Variants in PCDHGA2 observed in about 807,000 individuals in gnomAD.
PCDHGA2 encodes protocadherin gamma subfamily A, 2.
In PCDHGA2, 40 loss-of-function variants were observed where a neutral mutation model predicts 59.2. The observed-to-expected ratio is 0.68, with a 90% CI of 0.52 to 0.88. The LOEUF (loss-of-function observed/expected upper bound fraction) is 0.88, where lower values mean the gene tolerates loss of function less well. Among genes scored for constraint, PCDHGA2 ranks in the 40% least tolerant of loss-of-function variants. The pLI is 0.00. For synonymous variants in PCDHGA2, 560 were observed against 526.0 expected, an observed-to-expected ratio of 1.06 and a Z score of -0.89; for missense variants, 1,226 against 1,204.0, an observed-to-expected ratio of 1.02 and a Z score of -0.27.
In PCDHGA2 at chr5:141,388,566, A is replaced by T. The variant is rs145399301; in HGVS notation, c.2424+47171A>T. ...TCCACCCCTAAGCAGCACTGCACAGATACACGTTCTAGTGACTGATGCCAA... is the reference window on the plus strand; with the variant it reads ...TCCACCCCTAAGCAGCACTGCACAGTTACACGTTCTAGTGACTGATGCCAA... On this transcript the variant is annotated intron_variant, in intron 1 of 3. Transcript: ENST00000394576. 134 of 1,613,852 alleles carry T rather than the reference A, an allele frequency of 8.3e-5. No homozygotes were observed. The East Asian group carries it at 2.4e-3, about 29-fold the overall frequency.
At chr5:141,460,981 GTGTA>G (rs1315974712) in intron 1 of PCDHGA2, among the ~76,000 whole-genome samples, 3 of 121,894 alleles carry the variant, frequency 2.5e-5, no homozygotes, top group Non-Finnish European at 5.1e-5. Context: ...GTGTGTGTGT[GTGTA>G]TATATATATA....
intron 1 of PCDHGA2, chr5:141,421,164 A>G (rs1304650780): frequency 1.6e-6 from 2 of 1,286,298 alleles, no homozygotes; most frequent in African/African-American, 1.5e-5. Flanking sequence ...GACTTCATAG[A>G]TACATAAGCC....
chr5:141,422,421 T>C, intron 1 of PCDHGA2: 1 of 1,607,810 alleles, frequency 6.2e-7, no homozygotes, highest in Non-Finnish European at 8.5e-7. Context: ...TAGAAAAGAC[T>C]TATGGAAATT....
In PCDHGA2 at chr5:141,432,645, C is replaced by T. The variant is rs758701539; in HGVS notation, c.2425-62162C>T. On this transcript the variant is annotated intron_variant, in intron 1 of 3. Coordinates refer to ENST00000394576, the MANE Select transcript of PCDHGA2 (RefSeq NM_018915.4). The surrounding 1 kb of genome is among the most constrained non-coding windows in gnomAD (Gnocchi z 6.0). Reference sequence around the variant, plus strand: ...CTGCACACGGGCGAGGTGCGCACGGCGCGAGCCCTGCTGGACAGAGACGCG... The same window carrying T: ...CTGCACACGGGCGAGGTGCGCACGGTGCGAGCCCTGCTGGACAGAGACGCG... 1 of 1,613,746 alleles carries T rather than the reference C, an allele frequency of 6.2e-7. No homozygotes were observed. Among genetic ancestry groups the T allele is most frequent in the Admixed American group, 1.7e-5 (1 of 60,006 alleles).
intron 1 of PCDHGA2, chr5:141,430,941 A>G: frequency 6.2e-7 from 1 of 1,608,258 alleles, no homozygotes; most frequent in Non-Finnish European, 8.5e-7. Context: ...GAGCTCGCGG[A>G]GCGCGGAGTC....
At chr5:141,405,488 C>A in intron 1 of PCDHGA2, 1 of 895,936 alleles carries the variant, frequency 1.1e-6, no homozygotes, top group Non-Finnish European at 1.7e-6. Context: ...GGTGTGATCT[C>A]GGCTCATTGC....
At chr5:141,350,875 T>G (rs771000230) in intron 1 of PCDHGA2, 17 of 1,613,960 alleles carry the variant, frequency 1.1e-5, no homozygotes, top group Non-Finnish European at 1.4e-5. Flanking sequence ...AGAGCTCTCA[T>G]CGCTTAATCC....
At position 141,432,455 on chromosome 5, in the gene PCDHGA2, G is replaced by A; in HGVS notation, c.2425-62352G>A. The A allele has an allele frequency of 6.2e-7, 1 of 1,614,176 alleles. No individual in the cohort carries two copies. The highest frequency in any genetic ancestry group is 8.5e-7 in the Non-Finnish European group (1 of 1,180,042). On this transcript the variant is annotated intron_variant, in intron 1 of 3. Transcript: ENST00000394576. The surrounding 1 kb of genome is among the most constrained non-coding windows in gnomAD (Gnocchi z 6.0). ...CAATGCGCCCGAGATCCTGTACCCCGCCCTCCCCACGGACGGTTCCACTGG... is the reference window on the plus strand; with the variant it reads ...CAATGCGCCCGAGATCCTGTACCCCACCCTCCCCACGGACGGTTCCACTGG...
Position 141,357,965 on chromosome 5 carries a change from G to A in PCDHGA2, c.2424+16570G>A, listed in dbSNP as rs1265962605. Among the ~76,000 whole-genome samples, 3 of 152,122 alleles carry A rather than the reference G, an allele frequency of 2.0e-5. No homozygotes were observed. In the East Asian group the frequency reaches 5.8e-4, roughly 29 times the overall value. On this transcript the variant is annotated intron_variant, in intron 1 of 3. Coordinates refer to ENST00000394576, the MANE Select transcript of PCDHGA2 (RefSeq NM_018915.4). ...AACACTTTGGGAGTGTGAGGAGGAC[G>A]GATTGCCTGAGCTCAGGAGTTCGAG...
At chr5:141,458,219 C>T (rs2098940224) in intron 1 of PCDHGA2, among the ~76,000 whole-genome samples, 1 of 152,248 alleles carries the variant, frequency 6.6e-6, no homozygotes, top group African/African-American at 2.4e-5. Flanking sequence ...AATAAGTTTC[C>T]TTTCCCAGTC....
chr5:141,389,081 G>C (rs371979686), intron 1 of PCDHGA2: 2 of 1,613,978 alleles, frequency 1.2e-6, no homozygotes, highest in Admixed American at 1.7e-5. Flanking sequence ...CAAGAAACAC[G>C]TATAAATTAG....
intron 1 of PCDHGA2, among the ~76,000 whole-genome samples, chr5:141,449,041 C>T (rs998143732): frequency 3.3e-5 from 5 of 152,126 alleles, no homozygotes; most frequent in Admixed American, 3.3e-4. Flanking sequence ...GATTATTAAC[C>T]AGTCTCATAA....
chr5:141,436,309 T>C (rs1228417864), intron 1 of PCDHGA2, among the ~76,000 whole-genome samples: 1 of 152,198 alleles, frequency 6.6e-6, no homozygotes, highest in Non-Finnish European at 1.5e-5. Flanking sequence ...AGAGCATGAA[T>C]AGTCAAGACT....
At chr5:141,428,189 C>G in intron 1 of PCDHGA2, 1 of 1,429,262 alleles carries the variant, frequency 7.0e-7, no homozygotes, top group African/African-American at 1.4e-5. Flanking sequence ...ACAGCCGCCG[C>G]TCTCTGCGCC....
rs768648952 is a variant in PCDHGA2 at position 141,477,230 on chromosome 5, G to C, written c.2425-17577G>C. 6.2e-7 allele frequency: 1 copy of C among 1,614,046 alleles called. No homozygotes were observed. Among genetic ancestry groups the C allele is most frequent in the East Asian group, 2.2e-5 (1 of 44,890 alleles). ...GGATGCCCCTCTGGGGACTGTCATC[G>C]CTTTGCTCAGTGTGACTGACCTGGA... On this transcript the variant is annotated intron_variant, in intron 1 of 3. Transcript: ENST00000394576. The surrounding 1 kb of genome is among the most constrained non-coding windows in gnomAD (Gnocchi z 4.9).
At chr5:141,344,294 G>A (rs769128084) in intron 1 of PCDHGA2, 2 of 1,614,088 alleles carry the variant, frequency 1.2e-6, no homozygotes, top group South Asian at 1.1e-5. Flanking sequence ...TGGTCACCGC[G>A]GAGAGGATAG....
intron 1 of PCDHGA2, among the ~76,000 whole-genome samples, chr5:141,444,253 C>T (rs2154560603): frequency 7.0e-6 from 1 of 142,690 alleles, no homozygotes; most frequent in South Asian, 2.3e-4. Flanking sequence ...CTCACTGCAA[C>T]CTCCGCCTCC....
chr5:141,352,280 C>A (rs1207514166), intron 1 of PCDHGA2: 5 of 1,614,072 alleles, frequency 3.1e-6, no homozygotes, highest in Non-Finnish European at 4.2e-6. Flanking sequence ...CCTCAGCGAC[C>A]GCCCTGAGCC....
At chr5:141,390,455 T>C (rs2092151799) in intron 1 of PCDHGA2, 6 of 771,128 alleles carry the variant, frequency 7.8e-6, no homozygotes, top group Non-Finnish European at 1.2e-5. Context: ...AGGAGTAAAG[T>C]AGGAGCAATT....
Sources: allele counts gnomAD v4.1 joint callset (sites outside exome capture counted in the v4.1 genomes callset), GRCh38; gene constraint gnomAD v4.1.1; non-coding constraint Gnocchi (gnomAD v3.1); transcripts MANE v1.5; gene names NCBI Gene and HGNC (gene_info 2026-07-23, HGNC 2026-07-21).